The following ATG7 variants were observed in gnomAD, a reference collection of about 807,000 sequenced individuals.
The protein encoded by ATG7 is ubiquitin-like modifier-activating enzyme ATG7.
ATG7 carries 70 observed loss-of-function variants against 82.4 expected under a neutral mutation model. The ratio of observed to expected loss-of-function variants is 0.85; its 90% confidence interval spans 0.70 to 1.04. ATG7 has a LOEUF of 1.04. ATG7 is among the 50% of genes least tolerant of loss of function. The probability of loss-of-function intolerance (pLI) is 0.00; values close to 1 mark genes in which losing one functional copy is unlikely to be tolerated. For synonymous variants in ATG7, 287 were observed against 313.0 expected, an observed-to-expected ratio of 0.92 and a Z score of 0.88; for missense variants, 792 against 864.3, an observed-to-expected ratio of 0.92 and a Z score of 1.05.
At chr3:11,502,986 A>G (rs1267293910) in intron 20 of ATG7, among the ~76,000 whole-genome samples, 1 of 152,182 alleles carries the variant, frequency 6.6e-6, no homozygotes, top group East Asian at 1.9e-4. Context: ...TAGCGTGTAT[A>G]CCACTGAAAA....
chr3:11,430,126 T>C (rs2082738994), intron 20 of ATG7, among the ~76,000 whole-genome samples: 1 of 152,100 alleles, frequency 6.6e-6, no homozygotes, highest in African/African-American at 2.4e-5. Flanking sequence ...TTAATAGGTA[T>C]TTGAGCTTAT....
rs76716636 is a variant in ATG7, at chr3:11,363,034, A to G, written c.1799+106A>G. On this transcript the variant is annotated intron_variant, in intron 17 of 20. Transcript: ENST00000693202. Reference sequence around the variant, plus strand: ...TCAGTCTGACTTTACAGAGAATTTCACTATTTCACCCTCAAAAAAACAAGA... The same window carrying G: ...TCAGTCTGACTTTACAGAGAATTTCGCTATTTCACCCTCAAAAAAACAAGA... 167 of 992,178 alleles carry G rather than the reference A, an allele frequency of 1.7e-4. 1 individual carries two copies. In the East Asian group the frequency reaches 4.4e-3, roughly 26 times the overall value. 61.5% of individuals were successfully genotyped at this position (992,178 alleles called of 1,614,324 possible).
chr3:11,457,533 C>CA (rs1576548574), intron 20 of ATG7, among the ~76,000 whole-genome samples: 1 of 152,142 alleles, frequency 6.6e-6, no homozygotes. Flanking sequence ...GTTCTGTACC[C>CA]AGGAGTTCAA....
intron 19 of ATG7, among the ~76,000 whole-genome samples, chr3:11,415,003 G>A (rs1189594371): frequency 6.6e-6 from 1 of 152,188 alleles, no homozygotes; most frequent in Admixed American, 6.5e-5. Context: ...ATTGTTGTAT[G>A]AATATCGTAA....
At chr3:11,483,882 A>G (rs1688046918) in intron 20 of ATG7, among the ~76,000 whole-genome samples, 1 of 152,198 alleles carries the variant, frequency 6.6e-6, no homozygotes, top group Non-Finnish European at 1.5e-5. Flanking sequence ...TTGTGTTCCC[A>G]GCATTCTGAG....
chr3:11,429,884 T>C (rs1464102312), intron 20 of ATG7, among the ~76,000 whole-genome samples: 1 of 147,368 alleles, frequency 6.8e-6, no homozygotes, highest in African/African-American at 2.5e-5. Flanking sequence ...AGGCAGAGGT[T>C]GCAGTGAGCT....
chr3:11,429,310 A>G (rs375946684), intron 20 of ATG7, among the ~76,000 whole-genome samples: 70 of 152,228 alleles, frequency 4.6e-4, no homozygotes, highest in African/African-American at 1.5e-3. Flanking sequence ...AGCCTGGCCA[A>G]CATGGTGAAA....
chr3:11,501,601 A>C (rs1334090486), intron 20 of ATG7, among the ~76,000 whole-genome samples: 1 of 152,034 alleles, frequency 6.6e-6, no homozygotes, highest in Non-Finnish European at 1.5e-5. Context: ...TTACATAGTA[A>C]ATTATGTATT....
At chr3:11,294,956 A>G (rs1448867403) in intron 3 of ATG7, among the ~76,000 whole-genome samples, 2 of 152,086 alleles carry the variant, frequency 1.3e-5, no homozygotes, top group African/African-American at 2.4e-5. Context: ...CTCCTAAAAA[A>G]CAAAAATTAG....
chr3:11,468,120 T>C (rs777157037), intron 20 of ATG7, among the ~76,000 whole-genome samples: 10 of 152,234 alleles, frequency 6.6e-5, no homozygotes, highest in Non-Finnish European at 7.3e-5. Flanking sequence ...AATTCAGCTA[T>C]AGAAGAGCGT....
intron 19 of ATG7, among the ~76,000 whole-genome samples, chr3:11,401,618 A>G (rs1424831180): frequency 6.6e-6 from 1 of 152,204 alleles, no homozygotes; most frequent in African/African-American, 2.4e-5. Flanking sequence ...AGCATGTATC[A>G]TGCACAGAAT....
intron 19 of ATG7, among the ~76,000 whole-genome samples, chr3:11,420,737 T>TA (rs1164510449): frequency 6.6e-6 from 1 of 151,520 alleles, no homozygotes; most frequent in Non-Finnish European, 1.5e-5. Context: ...ATGCATACCT[T>TA]AAGTAATACA....
intron 3 of ATG7, among the ~76,000 whole-genome samples, chr3:11,282,822 A>G (rs1943292524): frequency 6.6e-6 from 1 of 152,240 alleles, no homozygotes; most frequent in Non-Finnish European, 1.5e-5. Context: ...TAAAATGTGC[A>G]TTGGCTCCAT....
At chr3:11,312,202 TAAC>T (rs1458941425) in intron 7 of ATG7, among the ~76,000 whole-genome samples, 1 of 152,180 alleles carries the variant, frequency 6.6e-6, no homozygotes, top group African/African-American at 2.4e-5. Context: ...AAAAGTCATC[TAAC>T]AACCATCCAA....
chr3:11,570,061 C>T, the ATG7 span, among the ~76,000 whole-genome samples: 1 of 152,116 alleles, frequency 6.6e-6, no homozygotes, highest in Non-Finnish European at 1.5e-5. Context: ...AACTTCCTCC[C>T]AACCTTTACC....
At chr3:11,522,251 G>A (rs549003314) in intron 20 of ATG7, among the ~76,000 whole-genome samples, 5 of 152,270 alleles carry the variant, frequency 3.3e-5, no homozygotes, top group African/African-American at 1.2e-4. Context: ...TGTGGAAGAG[G>A]TAAGTCACCA....
At chr3:11,440,771 C>T (rs1349706857) in intron 20 of ATG7, among the ~76,000 whole-genome samples, 2 of 127,178 alleles carry the variant, frequency 1.6e-5, no homozygotes, top group African/African-American at 3.0e-5. Flanking sequence ...GCAACCTTTG[C>T]CTCCCGGGTT....
At position 11,380,011 on chromosome 3, in the gene ATG7, G is replaced by C; in HGVS notation, c.1915G>C (p.Val639Leu). 2 of 1,614,062 alleles carry C rather than the reference G, an allele frequency of 1.2e-6. No homozygotes were observed. The highest frequency in any genetic ancestry group is 1.7e-6 in the Non-Finnish European group (2 of 1,179,994). ...FLSRFDNVLP[V>L]SLAFDKCTAC... Reference sequence around the variant, plus strand: ...TTCACGGTTTGATAATGTCCTTCCCGTCAGCCTGGCATTTGACAAATGTAC... The same window carrying C: ...TTCACGGTTTGATAATGTCCTTCCCCTCAGCCTGGCATTTGACAAATGTAC... The change falls in exon 19 of 21, where the codon GTC (valine) becomes CTC (leucine). Residue 639 changes from valine to leucine, a missense_variant. Transcript: ENST00000693202.
intron 19 of ATG7, among the ~76,000 whole-genome samples, chr3:11,387,314 G>GC (rs1407568617): frequency 6.6e-6 from 1 of 152,180 alleles, no homozygotes; most frequent in Non-Finnish European, 1.5e-5. Context: ...AGAGAACACG[G>GC]CCTTGCTTGT....
Sources: gnomAD v4.1 joint callset for allele counts (sites outside exome capture counted in the v4.1 genomes callset) on GRCh38, gnomAD v4.1.1 for gene constraint, MANE v1.5 for transcripts, NCBI Gene and HGNC (gene_info 2026-07-23, HGNC 2026-07-21) for gene names.